TPR: variants seen among roughly 807,000 people sequenced by gnomAD.
TPR encodes the protein nucleoprotein TPR.
TPR carries 51 observed loss-of-function variants against 316.1 expected under a neutral mutation model. The ratio of observed to expected loss-of-function variants is 0.16; its 90% CI spans 0.13 to 0.20. TPR has a LOEUF of 0.20. Ranked by LOEUF, TPR falls within the 10% of genes least tolerant of loss-of-function variation. TPR has a pLI of 1.00. For missense variants in TPR, 2,272 were observed against 2,754.8 expected (o/e 0.82, Z 3.92); for synonymous variants, 981 against 914.7 (o/e 1.07, Z -1.31).
Position 186,360,253 on chromosome 1 carries a change from A to G in TPR, c.1191+20T>C. On this transcript the variant is annotated intron_variant, in intron 11 of 50. Transcript: ENST00000367478. ...TTTGCTGAAGAAAAAGAATTTAACA[A>G]CATTTAATACCATTCTTACCTCAGT... The G allele has an allele frequency of 1.2e-6, 2 of 1,600,482 alleles. No individual in the cohort carries two copies. Among genetic ancestry groups the G allele is most frequent in the South Asian group, 1.1e-5 (1 of 88,226 alleles).
At position 186,360,516 on chromosome 1, in the gene TPR, T is replaced by A. The variant is rs1001918023; in HGVS notation, c.1100-152A>T. ...TGACATCAAAAAGTCATGTAACACA[T>A]CTAATTCTAAAAAATCATGCAATAA... is the stretch of plus-strand genomic sequence containing the variant. On this transcript the variant is annotated intron_variant, in intron 10 of 50. Transcript: ENST00000367478. 9 of 951,610 alleles carry A rather than the reference T, an allele frequency of 9.5e-6. No individual in the cohort carries two copies. In the African/African-American group the frequency reaches 1.2e-4, roughly 12 times the overall value. 58.9% of individuals were successfully genotyped at this position (951,610 alleles called of 1,614,324 possible). A position where few individuals can be genotyped will look rare whatever the true frequency, so the allele number is the denominator to read the frequency against.
At chr1:186,346,415 T>G in intron 22 of TPR, 128 bp from the exon 23 acceptor site, 1 of 985,822 alleles carries the variant, frequency 1.0e-6, no homozygotes, top group Non-Finnish European at 1.4e-6. Flanking sequence ...AAAAAAAGAA[T>G]CCATCAAAGG....
chr1:186,321,290 C>T (rs1312639508), intron 45 of TPR, among the ~76,000 whole-genome samples: 1 of 152,200 alleles, frequency 6.6e-6, no homozygotes, highest in Non-Finnish European at 1.5e-5. Context: ...AACAATCAAC[C>T]TTTCCCCAAG....
rs1022414714 is a variant in TPR, at chr1:186,343,259, G to A, written c.3750+67C>T. The stretch of plus-strand genomic sequence containing the variant: ...GTTAAATTTTACATTACGTTAAATG[G>A]TAGAGATATAAATGAGTGCTTCTCT... On this transcript the variant is annotated intron_variant, in intron 27 of 50. Coordinates refer to ENST00000367478, the MANE Select transcript of TPR (RefSeq NM_003292.3). The A allele has an allele frequency of 6.6e-5, 101 of 1,531,500 alleles. 1 individual carries two copies. The African/African-American group carries it at 1.0e-3, about 15-fold the overall frequency. 94.9% of individuals were successfully genotyped at this position (1,531,500 alleles called of 1,614,324 possible).
chr1:186,351,912 G>C (rs1658871941), intron 19 of TPR, 64 bp downstream of exon 19: 1 of 1,523,368 alleles, frequency 6.6e-7, no homozygotes, highest in African/African-American at 1.4e-5. Context: ...GAAATTGAGA[G>C]GATAAAAAAA....
At chr1:186,353,213 A>T (rs1038283326) in intron 18 of TPR, among the ~76,000 whole-genome samples, 5 of 152,112 alleles carry the variant, frequency 3.3e-5, no homozygotes, top group African/African-American at 1.2e-4. Context: ...TCTACTAAAA[A>T]TACAAAACAT....
chr1:186,315,891 G>A (rs151269484), intron 49 of TPR, among the ~76,000 whole-genome samples: 2 of 145,356 alleles, frequency 1.4e-5, no homozygotes, highest in African/African-American at 5.1e-5. Flanking sequence ...TCTTCATTAA[G>A]TAACTGCACA....
At chr1:186,324,108 G>C (rs1657847551) in intron 42 of TPR, among the ~76,000 whole-genome samples, 1 of 151,918 alleles carries the variant, frequency 6.6e-6, no homozygotes, top group African/African-American at 2.4e-5. Flanking sequence ...TCTATTTTTT[G>C]GTTGGTTAAT....
Position 186,317,528 on chromosome 1 carries a change from T to C in TPR, c.6894A>G (p.Ser2298=), listed in dbSNP as rs774913293. The change falls in exon 49 of 51, where the codon TCA becomes TCG. Residue 2298 remains serine (S), a synonymous_variant. Coordinates refer to ENST00000367478, the MANE Select transcript of TPR (RefSeq NM_003292.3). ...EEEPVQASDE[S]DLPSTSQDPP... ...GATCCTGGCTGGTGGAGGGGAGATC[T>C]GACTCATCAGATGCTTGAACCGGCT... 9.9e-6 allele frequency: 16 copies of C among 1,614,196 alleles called. No individual in the cohort carries two copies. The East Asian group carries it at 2.5e-4, about 25-fold the overall frequency.
Position 186,375,167 on chromosome 1 carries a change from G to C in TPR, c.-139C>G. 1 of 1,542,388 alleles carries C rather than the reference G, an allele frequency of 6.5e-7. No individual in the cohort carries two copies. The highest frequency in any genetic ancestry group is 2.5e-5 in the East Asian group (1 of 40,704). On this transcript the variant is annotated 5_prime_UTR_variant, in exon 1 of 51. Transcript: ENST00000367478. ...GTGGCTCGCGCGCGCCCGCCCGCCGGAGACTCCCGCGGCGGGACCCTGGGA... is the reference window on the plus strand; with the variant it reads ...GTGGCTCGCGCGCGCCCGCCCGCCGCAGACTCCCGCGGCGGGACCCTGGGA...
intron 21 of TPR, among the ~76,000 whole-genome samples, chr1:186,349,479 C>G (rs1658786065): frequency 6.6e-6 from 1 of 151,156 alleles, no homozygotes; most frequent in East Asian, 1.9e-4. Flanking sequence ...TGGAGAAACC[C>G]CATCTCTACT....
chr1:186,325,791 G>T lies in TPR; in HGVS notation c.6085C>A (p.His2029Asn), dbSNP rs372435712. The change falls in exon 42 of 51, where the codon CAC (histidine) becomes AAC (asparagine). Residue 2029 changes from histidine (H) to asparagine (N), a missense_variant. By Grantham distance (68) the His-to-Asn change is moderately conservative. This residue lies in a region of TPR where 435 missense variants were observed against 461.1 expected (regional missense o/e 0.94). Transcript: ENST00000367478. ...CTGTTTTGAGAATCAGCAGCTCTGTGATTACCTTCACCTCCACCCATACTT... is the reference window on the plus strand; with the variant it reads ...CTGTTTTGAGAATCAGCAGCTCTGTTATTACCTTCACCTCCACCCATACTT... ...EESMGGGEGN[H>N]RAADSQNSGE... The T allele has an allele frequency of 3.1e-6, 5 of 1,613,334 alleles. No individual in the cohort carries two copies. In the African/African-American group the frequency reaches 4.0e-5, roughly 13 times the overall value.
chr1:186,354,011 G>C, intron 17 of TPR, 161 bp from the exon 18 acceptor site: 1 of 574,962 alleles, frequency 1.7e-6, no homozygotes, highest in Non-Finnish European at 2.9e-6. Context: ...GTTGAATTCT[G>C]CTTAGAAATA....
chr1:186,318,477 T>C lies in TPR; in HGVS notation c.6791A>G (p.Asp2264Gly). 4 of 1,612,624 alleles carry C rather than the reference T, an allele frequency of 2.5e-6. No homozygotes were observed. The highest frequency in any genetic ancestry group is 2.5e-6 in the Non-Finnish European group (3 of 1,179,630). Reference protein sequence around the residue: ...TNETATGDDGDEVFVEAESEG... With the variant: ...TNETATGDDGGEVFVEAESEG... ...AGATTCTGCCTCCACAAATACTTCA[T>C]CTCCATCATCACCTGTTGCTGTTTC... Residue 2264 changes from aspartate to glycine, a missense_variant, in exon 48 of 51, where the codon GAT becomes GGT. Physicochemically the swap from Asp to Gly is moderately conservative, Grantham distance 94. Around this residue, in one of 10 missense-constraint regions of TPR, gnomAD observed 123 missense variants for 142.3 expected, o/e 0.86. Transcript: ENST00000367478.
chr1:186,351,534 G>T, intron 19 of TPR, 64 bp from the exon 20 acceptor site: 1 of 1,476,536 alleles, frequency 6.8e-7, no homozygotes, highest in Non-Finnish European at 9.0e-7. Flanking sequence ...AATAAAAATT[G>T]AAGGCAAGAA....
chr1:186,312,462 T>C lies in TPR; in HGVS notation c.*1509A>G, dbSNP rs112440862. The C allele has an allele frequency of 8.1e-7, 1 of 1,230,526 alleles. No individual in the cohort carries two copies. The highest frequency in any genetic ancestry group is 1.1e-6 in the Non-Finnish European group (1 of 880,726). The allele number at this position is 1,230,526 out of a possible 1,614,324, so 76.2% of individuals were successfully genotyped here. On this transcript the variant is annotated 3_prime_UTR_variant, in exon 51 of 51. Coordinates refer to ENST00000367478, the MANE Select transcript of TPR (RefSeq NM_003292.3). ...AGTAAGGCTTATGAAATATGGATACTGATCAAACAGCCCTAATAATTTAAG... is the reference window on the plus strand; with the variant it reads ...AGTAAGGCTTATGAAATATGGATACCGATCAAACAGCCCTAATAATTTAAG...
chr1:186,343,293 A>C (rs1488393067), intron 27 of TPR, 33 bp downstream of exon 27: 2 of 1,590,766 alleles, frequency 1.3e-6, no homozygotes, highest in African/African-American at 2.7e-5. Flanking sequence ...CTTTTGATTT[A>C]ACAAGTGCTT....
intron 20 of TPR, among the ~76,000 whole-genome samples, chr1:186,350,990 T>C (rs1202308967): frequency 3.3e-5 from 5 of 152,202 alleles, no homozygotes; most frequent in South Asian, 2.1e-4. Context: ...CATGAAAGTA[T>C]TGGCCTCAGT....
chr1:186,337,113 T>A lies in TPR; in HGVS notation c.4406A>T (p.Gln1469Leu), dbSNP rs1293817025. 1 of 1,613,886 alleles carries A rather than the reference T, an allele frequency of 6.2e-7. No individual in the cohort carries two copies. The highest frequency in any genetic ancestry group is 1.1e-5 in the South Asian group (1 of 91,082). ...CTGCATTTCCTGGACTGAAACATGC[T>A]GCTCCTGATGGTCTCCAGAGGACTG... ...SAQSSGDHQEQHVSVQEMQEL... is the reference protein window; with the variant it reads ...SAQSSGDHQELHVSVQEMQEL... Residue 1469 changes from glutamine to leucine, a missense_variant, in exon 32 of 51, where the codon CAG (glutamine) becomes CTG (leucine). Gln to Leu is a moderately radical substitution (Grantham distance 113, BLOSUM62 -2). Transcript: ENST00000367478.
Sources: allele counts gnomAD v4.1 joint callset (sites outside exome capture counted in the v4.1 genomes callset), GRCh38; gene constraint gnomAD v4.1.1; regional missense constraint gnomAD v4.1.1; transcripts MANE v1.5; gene names NCBI Gene and HGNC (gene_info 2026-07-23, HGNC 2026-07-21).